RAPGEF5: variants seen among roughly 807,000 people sequenced by gnomAD.
RAPGEF5 encodes M-Ras-regulated GEF.
RAPGEF5 carries 65 observed loss-of-function variants against 125.2 expected under a neutral mutation model. The observed-to-expected ratio is 0.52, with a 90% confidence interval of 0.43 to 0.64. The LOEUF is 0.64. RAPGEF5 is among the 30% of genes least tolerant of loss of function. RAPGEF5 has a pLI of 0.00. For missense variants in RAPGEF5, 958 were observed against 1,048.1 expected (o/e 0.91, Z 1.19); for synonymous variants, 391 against 385.9 (o/e 1.01, Z -0.16).
At chr7:22,134,016 T>C (rs3823665) in intron 23 of RAPGEF5, among the ~76,000 whole-genome samples, 21,987 of 152,140 alleles carry the variant, frequency 0.14, 1,838 homozygotes, top group East Asian at 0.35. Flanking sequence ...ATTTTTCTAA[T>C]TAAAAGCTAC....
chr7:22,252,830 C>A (rs981991962), intron 7 of RAPGEF5, among the ~76,000 whole-genome samples: 8 of 151,974 alleles, frequency 5.3e-5, no homozygotes, highest in African/African-American at 1.9e-4. Flanking sequence ...TTCAATTATT[C>A]CTGGGCTTTA....
intron 9 of RAPGEF5, among the ~76,000 whole-genome samples, chr7:22,203,619 G>T (rs929424960): frequency 1.3e-5 from 2 of 152,216 alleles, no homozygotes; most frequent in African/African-American, 4.8e-5. Flanking sequence ...AGATATGGTG[G>T]TTATTTCCTT....
intron 9 of RAPGEF5, chr7:22,202,785 A>G (rs1785308584): frequency 5.6e-6 from 1 of 177,528 alleles, no homozygotes; most frequent in Non-Finnish European, 1.2e-5. Context: ...GACCTGGTTC[A>G]AATCCTAGAG....
In RAPGEF5 at chr7:22,119,400, G is replaced by C. The variant is rs776290473; in HGVS notation, c.*3006C>G. On this transcript the variant is annotated 3_prime_UTR_variant, in exon 26 of 26. Coordinates refer to ENST00000665637, the MANE Select transcript of RAPGEF5 (RefSeq NM_012294.5). This position sits in a 1 kb window ranked among gnomAD's most constrained non-coding sequence, Gnocchi z 4.1. ...ATAATTAAGGAAACTAGAAAAAAGT[G>C]AATGCAGGTCATGTGTATCACTATA... is the stretch of plus-strand genomic sequence containing the variant. The C allele has an allele frequency of 1.3e-5, 2 of 152,172 alleles. No homozygotes were observed. Among genetic ancestry groups the C allele is most frequent in the African/African-American group, 2.4e-5 (1 of 41,438 alleles). 9.4% of individuals were successfully genotyped at this position (152,172 alleles called of 1,614,324 possible).
chr7:22,197,985 G>C (rs745318570), intron 9 of RAPGEF5, among the ~76,000 whole-genome samples: 2 of 150,658 alleles, frequency 1.3e-5, no homozygotes, highest in Non-Finnish European at 2.9e-5. Flanking sequence ...TGCATCTTGG[G>C]CTCAAGTGAT....
chr7:22,205,726 C>A (rs1217569188), intron 9 of RAPGEF5, among the ~76,000 whole-genome samples: 1 of 152,212 alleles, frequency 6.6e-6, no homozygotes, highest in African/African-American at 2.4e-5. Flanking sequence ...TCCTTCACTG[C>A]AGAGATTTGG....
At chr7:22,340,657 C>T (rs919282151) in intron 1 of RAPGEF5, among the ~76,000 whole-genome samples, 1 of 152,226 alleles carries the variant, frequency 6.6e-6, no homozygotes, top group Non-Finnish European at 1.5e-5. Context: ...ACACTGAGCT[C>T]CTCCTTGTTC....
chr7:22,157,802 G>C (rs1783857124), intron 15 of RAPGEF5, 53 bp downstream of exon 15: 1 of 1,555,572 alleles, frequency 6.4e-7, no homozygotes, highest in Non-Finnish European at 8.9e-7. Context: ...GGGAGGCAAG[G>C]CAAGGTCTCC....
intron 24 of RAPGEF5, among the ~76,000 whole-genome samples, chr7:22,128,216 A>G (rs1782808639): frequency 6.6e-6 from 1 of 152,200 alleles, no homozygotes; most frequent in South Asian, 2.1e-4. Context: ...TGCTCTTAAC[A>G]TCGAGGGATA....
intron 1 of RAPGEF5, among the ~76,000 whole-genome samples, chr7:22,338,654 G>A (rs540620091): frequency 2.2e-4 from 34 of 152,286 alleles, no homozygotes; most frequent in African/African-American, 8.2e-4. Flanking sequence ...AAATGACTGA[G>A]ACCATGTAAC....
intron 8 of RAPGEF5, among the ~76,000 whole-genome samples, chr7:22,220,419 C>T (rs1785757626): frequency 6.6e-6 from 1 of 152,128 alleles, no homozygotes; most frequent in Non-Finnish European, 1.5e-5. Context: ...ATATGCAACA[C>T]CCCAATTCTT....
intron 1 of RAPGEF5, among the ~76,000 whole-genome samples, chr7:22,344,953 C>G (rs966982811): frequency 1.3e-5 from 2 of 152,192 alleles, no homozygotes; most frequent in African/African-American, 4.8e-5. Context: ...ACTTTTGAGG[C>G]CTTCTAGTCC....
intron 7 of RAPGEF5, among the ~76,000 whole-genome samples, chr7:22,262,713 T>C (rs1562495333): frequency 1.4e-5 from 2 of 142,620 alleles, no homozygotes; most frequent in Non-Finnish European, 3.0e-5. Context: ...GTTAAAAGTA[T>C]TATGGTACAT....
At chr7:22,301,531 C>T (rs922055621) in intron 5 of RAPGEF5, among the ~76,000 whole-genome samples, 2 of 146,996 alleles carry the variant, frequency 1.4e-5, no homozygotes, top group South Asian at 2.1e-4. Context: ...AGGAGAATGG[C>T]GTGAACCCGG....
intron 17 of RAPGEF5, among the ~76,000 whole-genome samples, 169 bp downstream of exon 17, chr7:22,154,286 A>G (rs1783727813): frequency 6.6e-6 from 1 of 152,094 alleles, no homozygotes; most frequent in East Asian, 1.9e-4. Context: ...ACAGTACCCA[A>G]CTGTTGTCAT....
chr7:22,177,079 C>T (rs1248224338), intron 11 of RAPGEF5, among the ~76,000 whole-genome samples: 3 of 152,138 alleles, frequency 2.0e-5, no homozygotes, highest in Admixed American at 6.6e-5. Context: ...TTTTGGGTCA[C>T]AGAGAAAGGT....
At chr7:22,281,702 A>G (rs545930833) in intron 6 of RAPGEF5, among the ~76,000 whole-genome samples, 87 of 152,348 alleles carry the variant, frequency 5.7e-4, no homozygotes, top group African/African-American at 2.1e-3. Context: ...GATGAGTTCA[A>G]TGAAACCAAG....
intron 18 of RAPGEF5, among the ~76,000 whole-genome samples, chr7:22,148,070 T>A (rs1783501444): frequency 6.6e-6 from 1 of 152,164 alleles, no homozygotes; most frequent in Non-Finnish European, 1.5e-5. Context: ...GTATCCCCAG[T>A]GTAGGGCACA....
chr7:22,288,484 C>T (rs1026609658), intron 6 of RAPGEF5, among the ~76,000 whole-genome samples: 6 of 151,464 alleles, frequency 4.0e-5, no homozygotes, highest in Non-Finnish European at 7.4e-5. Flanking sequence ...TCCACCTTTA[C>T]CCACTCATAC....
Sources: allele counts gnomAD v4.1 joint callset (sites outside exome capture counted in the v4.1 genomes callset), GRCh38; gene constraint gnomAD v4.1.1; non-coding constraint Gnocchi (gnomAD v3.1); transcripts MANE v1.5; gene names NCBI Gene and HGNC (gene_info 2026-07-23, HGNC 2026-07-21).